EYS: variants seen among roughly 807,000 people sequenced by gnomAD.
EYS encodes the protein protein eyes shut homolog.
In EYS, 250 loss-of-function variants were observed where a neutral mutation model predicts 282.1. The observed-to-expected ratio is 0.89, with a 90% CI of 0.80 to 0.98. The LOEUF (loss-of-function observed/expected upper bound fraction) is 0.98, where lower values mean the gene tolerates loss of function less well. EYS is among the 50% of genes least tolerant of loss of function. The pLI is 0.00. For missense variants in EYS, 4,016 were observed against 3,709.0 expected, an observed-to-expected ratio of 1.08 and a Z score of -2.15; for synonymous variants, 1,355 against 1,282.9, an observed-to-expected ratio of 1.06 and a Z score of -1.20.
At chr6:65,185,528 ATATTG>A (rs1194003713) in intron 12 of EYS, among the ~76,000 whole-genome samples, 3 of 151,890 alleles carry the variant, frequency 2.0e-5, no homozygotes, top group African/African-American at 7.2e-5. Context: ...TAAACACAAA[ATATTG>A]TAACCAATGG....
chr6:64,454,665 A>G (rs1039508665), intron 26 of EYS, among the ~76,000 whole-genome samples: 5 of 152,050 alleles, frequency 3.3e-5, no homozygotes, highest in African/African-American at 1.2e-4. Flanking sequence ...TTGTGTGGGG[A>G]CACTTTTCAT....
chr6:63,758,587 T>C (rs1769554282), intron 41 of EYS, among the ~76,000 whole-genome samples: 2 of 152,114 alleles, frequency 1.3e-5, no homozygotes, highest in Admixed American at 1.3e-4. Context: ...TTGACAATTC[T>C]ACCTCTCAGA....
chr6:65,695,025 T>C (rs1769392661), intron 1 of EYS, among the ~76,000 whole-genome samples: 2 of 151,302 alleles, frequency 1.3e-5, no homozygotes, highest in African/African-American at 4.9e-5. Flanking sequence ...TTAGGAAGAG[T>C]TGAAAGAGAG....
In EYS at chr6:65,703,231, C is replaced by CTA. The variant is rs202192019; in HGVS notation, c.-448+3902_-448+3903dup. ...CTCTATATATATACTGTTACTCTCT[C>CTA]TATATATATGTATTGTTACTCTGGA... On this transcript the variant is annotated intron_variant, in intron 1 of 42. Coordinates refer to ENST00000503581, the MANE Select transcript of EYS (RefSeq NM_001142800.2). 4.9e-3 allele frequency among the ~76,000 whole-genome samples: 753 copies of CTA among 152,158 alleles called. 6 individuals carry two copies. Among genetic ancestry groups the CTA allele is most frequent in the African/African-American group, 0.017 (709 of 41,502 alleles).
At chr6:64,260,527 G>T (rs905038410) in intron 30 of EYS, among the ~76,000 whole-genome samples, 2 of 151,972 alleles carry the variant, frequency 1.3e-5, no homozygotes, top group Non-Finnish European at 2.9e-5. Context: ...TGTAATGGAG[G>T]TACTGTTAGA....
chr6:64,031,909 C>A (rs1008796555), intron 33 of EYS, among the ~76,000 whole-genome samples: 2 of 152,144 alleles, frequency 1.3e-5, no homozygotes, highest in African/African-American at 4.8e-5. Context: ...CTGCCTGAGC[C>A]AGCAGTGGCA....
At chr6:63,774,844 T>G (rs1156863937) in intron 40 of EYS, among the ~76,000 whole-genome samples, 3 of 149,378 alleles carry the variant, frequency 2.0e-5, no homozygotes, top group African/African-American at 7.4e-5. Flanking sequence ...TTCTTCTCAC[T>G]AAACATTTTT....
intron 26 of EYS, among the ~76,000 whole-genome samples, chr6:64,586,005 G>A (rs1258110473): frequency 2.6e-5 from 4 of 152,038 alleles, no homozygotes; most frequent in Admixed American, 2.0e-4. Flanking sequence ...TTAATAAGCA[G>A]TAGTTTGAAC....
At chr6:63,978,950 C>G (rs978863325) in intron 35 of EYS, among the ~76,000 whole-genome samples, 1 of 151,910 alleles carries the variant, frequency 6.6e-6, no homozygotes, top group Non-Finnish European at 1.5e-5. Flanking sequence ...AAACTCACCT[C>G]TGTTCACATG....
chr6:65,479,449 A>T (rs1468963475), intron 5 of EYS, among the ~76,000 whole-genome samples: 3 of 152,242 alleles, frequency 2.0e-5, no homozygotes, highest in African/African-American at 7.2e-5. Context: ...ATATAAATAT[A>T]CACTAACCAA....
chr6:65,360,995 C>T (rs550274650), intron 8 of EYS, among the ~76,000 whole-genome samples: 1 of 152,028 alleles, frequency 6.6e-6, no homozygotes, highest in East Asian at 1.9e-4. Flanking sequence ...GACTGGAGTT[C>T]AAGGAATGGT....
intron 29 of EYS, among the ~76,000 whole-genome samples, chr6:64,313,374 G>A (rs1223669386): frequency 1.3e-5 from 2 of 152,078 alleles, no homozygotes; most frequent in Non-Finnish European, 2.9e-5. Context: ...CAAGAAATGT[G>A]GGACTATGTG....
At position 64,201,374 on chromosome 6, in the gene EYS, A is replaced by G. The variant is rs75685362; in HGVS notation, c.6424+29218T>C. Among the ~76,000 whole-genome samples, 66 of 152,272 alleles carry G rather than the reference A, an allele frequency of 4.3e-4. No individual in the cohort carries two copies. The East Asian group carries it at 0.012, about 28-fold the overall frequency. The stretch of plus-strand genomic sequence containing the variant: ...CATATGTGGGGCAAAATAGTGAGCT[A>G]TTATTCAATATGTTGGGGCTAATGG... On this transcript the variant is annotated intron_variant, in intron 31 of 42. Transcript: ENST00000503581.
At chr6:65,387,810 G>A (rs140406843) in intron 7 of EYS, among the ~76,000 whole-genome samples, 133 of 151,984 alleles carry the variant, frequency 8.8e-4, no homozygotes, top group South Asian at 1.7e-3. Context: ...AGTTATATTT[G>A]TAATTTTTAT....
At chr6:65,310,443 G>C (rs940819413) in intron 11 of EYS, among the ~76,000 whole-genome samples, 1 of 151,848 alleles carries the variant, frequency 6.6e-6, no homozygotes, top group African/African-American at 2.4e-5. Context: ...CTGCCTCTGA[G>C]TACCCACACT....
At chr6:64,403,181 T>C (rs1365888491) in intron 28 of EYS, among the ~76,000 whole-genome samples, 1 of 152,074 alleles carries the variant, frequency 6.6e-6, no homozygotes, top group Non-Finnish European at 1.5e-5. Context: ...AAATATAGAC[T>C]TTATAAAAAG....
intron 29 of EYS, among the ~76,000 whole-genome samples, chr6:64,376,760 A>T (rs755967779): frequency 6.6e-6 from 1 of 151,120 alleles, no homozygotes; most frequent in Non-Finnish European, 1.5e-5. Context: ...TTTGAGGCTT[A>T]CAACAAGCCT....
intron 1 of EYS, among the ~76,000 whole-genome samples, chr6:65,698,723 A>G (rs1468305105): frequency 1.3e-5 from 2 of 152,172 alleles, no homozygotes; most frequent in Non-Finnish European, 2.9e-5. Context: ...AGGTGTCTAT[A>G]CATGTTATCC....
chr6:63,835,335 CTCTA>C (rs1017020744), intron 36 of EYS, among the ~76,000 whole-genome samples: 2 of 148,936 alleles, frequency 1.3e-5, no homozygotes, highest in Non-Finnish European at 3.0e-5. Context: ...TATACTCTCT[CTCTA>C]TATATATATA....
Sources: gnomAD v4.1 joint callset for allele counts (sites outside exome capture counted in the v4.1 genomes callset) on GRCh38, gnomAD v4.1.1 for gene constraint, MANE v1.5 for transcripts, NCBI Gene and HGNC (gene_info 2026-07-23, HGNC 2026-07-21) for gene names.